The following SLC13A3 variants were observed in gnomAD, a reference collection of about 807,000 sequenced individuals.
The protein encoded by SLC13A3 is Na(+)/dicarboxylate cotransporter 3.
Under a neutral mutation model 59.0 loss-of-function variants are expected in SLC13A3, and 40 were observed. The ratio of observed to expected loss-of-function variants is 0.68; its 90% CI spans 0.53 to 0.88. The LOEUF (loss-of-function observed/expected upper bound fraction) is 0.88, where lower values mean the gene tolerates loss of function less well. SLC13A3 is among the 40% of genes least tolerant of loss of function. SLC13A3 has a pLI of 0.00. For missense variants in SLC13A3, 699 were observed against 783.2 expected (o/e 0.89, Z 1.28); for synonymous variants, 317 against 330.3 (o/e 0.96, Z 0.44).
intron 8 of SLC13A3, chr20:46,584,118 A>G: frequency 1.0e-6 from 1 of 985,242 alleles, no homozygotes; most frequent in African/African-American, 1.7e-5. Flanking sequence ...ACCCAGATTG[A>G]CCCAGCCTCT....
chr20:46,645,075 G>A (rs548891305), intron 1 of SLC13A3, among the ~76,000 whole-genome samples: 1 of 152,314 alleles, frequency 6.6e-6, no homozygotes, highest in South Asian at 2.1e-4. Context: ...CCAGGAGAGA[G>A]AATCCATGCC....
intron 1 of SLC13A3, among the ~76,000 whole-genome samples, chr20:46,677,371 C>G (rs892279521): frequency 6.6e-6 from 1 of 152,192 alleles, no homozygotes. Context: ...CAGAAGCCCC[C>G]TCCAAATCAC....
chr20:46,585,399 T>G, intron 8 of SLC13A3: 2 of 997,110 alleles, frequency 2.0e-6, no homozygotes, highest in Non-Finnish European at 2.4e-6. Context: ...ATGCATAACT[T>G]TTGAAATTCA....
chr20:46,673,087 T>C (rs2063102481), upstream of SLC13A3, among the ~76,000 whole-genome samples: 1 of 152,144 alleles, frequency 6.6e-6, no homozygotes, highest in Admixed American at 6.5e-5. Context: ...ATATCACCCC[T>C]CTGAGCCTCC....
At chr20:46,664,394 G>T (rs944063210) in intron 1 of SLC13A3, among the ~76,000 whole-genome samples, 1 of 152,132 alleles carries the variant, frequency 6.6e-6, no homozygotes, top group Non-Finnish European at 1.5e-5. Flanking sequence ...CCTTGTCAAT[G>T]TTTACTTAAC....
At chr20:46,606,198 C>A (rs2062436067) in intron 3 of SLC13A3, among the ~76,000 whole-genome samples, 1 of 152,118 alleles carries the variant, frequency 6.6e-6, no homozygotes, top group African/African-American at 2.4e-5. Context: ...CAATCCCGCT[C>A]AAGTAGGAGG....
At chr20:46,648,671 G>A (rs988703866) in intron 1 of SLC13A3, among the ~76,000 whole-genome samples, 1 of 152,160 alleles carries the variant, frequency 6.6e-6, no homozygotes, top group Admixed American at 6.5e-5. Context: ...TTGCGTAGCC[G>A]AGGCTGGTGG....
intron 1 of SLC13A3, among the ~76,000 whole-genome samples, chr20:46,630,113 C>T (rs2062722623): frequency 6.6e-6 from 1 of 152,212 alleles, no homozygotes; most frequent in Non-Finnish European, 1.5e-5. Flanking sequence ...CCAGAACATG[C>T]CTCTCCTCTA....
At chr20:46,607,452 T>C (rs2062446996) in intron 3 of SLC13A3, among the ~76,000 whole-genome samples, 1 of 152,242 alleles carries the variant, frequency 6.6e-6, no homozygotes, top group Admixed American at 6.5e-5. Context: ...CTCTTTGTAC[T>C]GGAATTAGCC....
At chr20:46,643,822 T>C (rs6012000) in intron 1 of SLC13A3, among the ~76,000 whole-genome samples, 6,181 of 152,152 alleles carry the variant, frequency 0.041, 383 homozygotes, top group African/African-American at 0.14. Flanking sequence ...GAGGGGCGGA[T>C]AGCTTGAGCC....
At chr20:46,596,862 G>A (rs1418722225) in intron 4 of SLC13A3, among the ~76,000 whole-genome samples, 1 of 152,018 alleles carries the variant, frequency 6.6e-6, no homozygotes. Context: ...ACCAGCCTGG[G>A]CAATATAGTG....
In SLC13A3 at chr20:46,589,262, C is replaced by A; in HGVS notation, c.921-7G>T. ...TTTATTCTTCCTCCAGCCCCTGAAA[C>A]AGAAAGTGGGAGATTAGGAGTGGCC... On this transcript the variant is annotated splice_region_variant and splice_polypyrimidine_tract_variant and intron_variant, in intron 6 of 12. Transcript: ENST00000279027. The A allele has an allele frequency of 6.2e-7, 1 of 1,613,804 alleles. No homozygotes were observed. Among genetic ancestry groups the A allele is most frequent in the Non-Finnish European group, 8.5e-7 (1 of 1,179,704 alleles).
At chr20:46,663,685 C>T (rs917821108) in intron 1 of SLC13A3, among the ~76,000 whole-genome samples, 2 of 152,058 alleles carry the variant, frequency 1.3e-5, no homozygotes, top group African/African-American at 4.8e-5. Context: ...GAAATAGGTT[C>T]TATTATATTC....
intron 1 of SLC13A3, among the ~76,000 whole-genome samples, chr20:46,669,683 T>C (rs1313983071): frequency 6.6e-6 from 1 of 152,228 alleles, no homozygotes; most frequent in Non-Finnish European, 1.5e-5. Context: ...AAGGTACTCA[T>C]AATTTTATTG....
chr20:46,656,463 A>G (rs1219447429), intron 1 of SLC13A3, among the ~76,000 whole-genome samples: 10 of 105,888 alleles, frequency 9.4e-5, no homozygotes, highest in Non-Finnish European at 1.9e-4. Flanking sequence ...TATATGATAT[A>G]CTATACAGTA....
chr20:46,675,271 C>A (rs2063117656), intron 1 of SLC13A3, among the ~76,000 whole-genome samples: 2 of 151,938 alleles, frequency 1.3e-5, no homozygotes, highest in African/African-American at 4.8e-5. Flanking sequence ...ACTCTGTCAC[C>A]CAGGCTAGAG....
intron 1 of SLC13A3, among the ~76,000 whole-genome samples, chr20:46,657,372 C>CAA (rs35578835): frequency 1.0e-4 from 13 of 129,768 alleles, no homozygotes; most frequent in Non-Finnish European, 1.8e-4. Flanking sequence ...GAAAATGTCT[C>CAA]AAAAAAAAAA....
intron 3 of SLC13A3, chr20:46,609,084 C>T (rs552611963): frequency 4.5e-6 from 7 of 1,547,782 alleles, no homozygotes; most frequent in South Asian, 2.4e-5. Flanking sequence ...AGAATCAATG[C>T]CGGGGTTAAA....
At chr20:46,670,282 C>T (rs887952947), upstream of SLC13A3, 5 of 152,180 alleles carry the variant, frequency 3.3e-5, no homozygotes, top group African/African-American at 1.2e-4. Flanking sequence ...GGAGCATACC[C>T]TTTTTTCTTT....
Sources: gnomAD v4.1 joint callset for allele counts (sites outside exome capture counted in the v4.1 genomes callset) on GRCh38, gnomAD v4.1.1 for gene constraint, MANE v1.5 for transcripts, NCBI Gene and HGNC (gene_info 2026-07-23, HGNC 2026-07-21) for gene names.